The following WWP2 variants were observed in gnomAD, a reference collection of about 807,000 sequenced individuals.
WWP2 encodes NEDD4-like E3 ubiquitin-protein ligase WWP2.
Under a neutral mutation model 121.0 loss-of-function variants are expected in WWP2, and 57 were observed. The observed-to-expected ratio is 0.47, with a 90% confidence interval of 0.38 to 0.59. The LOEUF is 0.59. Ranked by LOEUF, WWP2 falls within the 20% of genes least tolerant of loss-of-function variation. The pLI is 0.00. For missense variants in WWP2, 962 were observed against 1,158.9 expected, an observed-to-expected ratio of 0.83 and a Z score of 2.47; for synonymous variants, 449 against 441.3, an observed-to-expected ratio of 1.02 and a Z score of -0.22.
At chr16:69,908,385 T>C (rs189745121) in intron 8 of WWP2, among the ~76,000 whole-genome samples, 5 of 152,308 alleles carry the variant, frequency 3.3e-5, no homozygotes, top group Admixed American at 1.3e-4. Flanking sequence ...CTAAGTGCAT[T>C]TTGAAGGGAA....
rs1367943448 is a variant in WWP2, at chr16:69,799,927, C to G, written c.340+632C>G. Among the ~76,000 whole-genome samples the G allele has an allele frequency of 2.0e-5, 3 of 152,030 alleles. No homozygotes were observed. The highest frequency in any genetic ancestry group is 7.3e-5 in the African/African-American group (3 of 41,366). ...GCCCATGGCGGTGGTATTGGACCCTCCTTCATAAGGCCTCTATTCAGAGCA... is the reference window on the plus strand; with the variant it reads ...GCCCATGGCGGTGGTATTGGACCCTGCTTCATAAGGCCTCTATTCAGAGCA... On this transcript the variant is annotated intron_variant, in intron 4 of 23. Transcript: ENST00000359154. This position sits in a 1 kb window ranked among gnomAD's most constrained non-coding sequence, Gnocchi z 4.5.
rs1470462940 is a variant in WWP2, at chr16:69,781,237, G to A, written c.-15-5759G>A. Among the ~76,000 whole-genome samples the A allele has an allele frequency of 2.6e-5, 4 of 151,950 alleles. No individual in the cohort carries two copies. In the East Asian group the frequency reaches 7.7e-4, roughly 29 times the overall value. On this transcript the variant is annotated intron_variant, in intron 1 of 23. Transcript: ENST00000359154. Reference sequence around the variant, plus strand: ...AATCACAGCATGATGAGGGTGGGGGGATACTGGGGAGCAGGAAGTGGGCCA... The same window carrying A: ...AATCACAGCATGATGAGGGTGGGGGAATACTGGGGAGCAGGAAGTGGGCCA...
At chr16:69,894,188 G>T (rs1218535971) in intron 8 of WWP2, among the ~76,000 whole-genome samples, 1 of 151,280 alleles carries the variant, frequency 6.6e-6, no homozygotes, top group African/African-American at 2.4e-5. Context: ...TAATACTCCT[G>T]CCTCGGCCTC....
chr16:69,796,916 G>A (rs2056059150), intron 2 of WWP2, among the ~76,000 whole-genome samples: 2 of 152,228 alleles, frequency 1.3e-5, no homozygotes, highest in Admixed American at 1.3e-4. Flanking sequence ...TTTGGCCTTT[G>A]CCAAGTTGTA....
intron 9 of WWP2, among the ~76,000 whole-genome samples, chr16:69,914,426 T>C (rs969127295): frequency 2.9e-4 from 18 of 62,348 alleles, no homozygotes; most frequent in African/African-American, 2.1e-3. Context: ...GCCATCCTTC[T>C]TCTCAGCTGT....
intron 4 of WWP2, among the ~76,000 whole-genome samples, chr16:69,804,460 C>G (rs1383814395): frequency 6.6e-6 from 1 of 152,092 alleles, no homozygotes; most frequent in African/African-American, 2.4e-5. Context: ...CATCTGTTTC[C>G]CCAATGACTT....
intron 8 of WWP2, among the ~76,000 whole-genome samples, chr16:69,899,055 G>T (rs78347773): frequency 6.6e-6 from 1 of 152,146 alleles, no homozygotes; most frequent in Non-Finnish European, 1.5e-5. Flanking sequence ...TCAATTATAC[G>T]CATTGCAAAT....
At chr16:69,857,479 G>C (rs2057338050) in intron 6 of WWP2, among the ~76,000 whole-genome samples, 1 of 152,104 alleles carries the variant, frequency 6.6e-6, no homozygotes, top group African/African-American at 2.4e-5. Flanking sequence ...CTGACTATTT[G>C]ATAATGGAGT....
intron 7 of WWP2, among the ~76,000 whole-genome samples, chr16:69,885,094 ACTC>A (rs1334631928): frequency 8.0e-6 from 1 of 125,732 alleles, no homozygotes; most frequent in African/African-American, 2.9e-5. Context: ...TCTTTTACAA[ACTC>A]CTCCTACACA....
chr16:69,766,006 A>T (rs745479631), intron 1 of WWP2, among the ~76,000 whole-genome samples: 4 of 152,138 alleles, frequency 2.6e-5, no homozygotes, highest in African/African-American at 9.7e-5. Context: ...AACAGCTTCC[A>T]TATGTGTGTC....
intron 4 of WWP2, among the ~76,000 whole-genome samples, chr16:69,825,922 C>A (rs1053939832): frequency 6.6e-6 from 1 of 152,050 alleles, no homozygotes; most frequent in African/African-American, 2.4e-5. Flanking sequence ...CCACACCCTG[C>A]CTGGAAAATA....
At chr16:69,873,316 C>A (rs1381104506) in intron 7 of WWP2, among the ~76,000 whole-genome samples, 2 of 152,216 alleles carry the variant, frequency 1.3e-5, no homozygotes, top group Admixed American at 6.5e-5. Flanking sequence ...TGCCTGGGTA[C>A]CCTGTCATCT....
intron 8 of WWP2, among the ~76,000 whole-genome samples, chr16:69,903,414 A>G (rs1285113244): frequency 6.6e-6 from 1 of 152,236 alleles, no homozygotes; most frequent in Admixed American, 6.5e-5. Context: ...TCTCAAATGA[A>G]CATAAAAGAT....
intron 6 of WWP2, among the ~76,000 whole-genome samples, chr16:69,862,708 CTTTTTTTTTTT>C (rs546868069): frequency 5.2e-5 from 4 of 76,528 alleles, no homozygotes; most frequent in East Asian, 7.9e-4. Flanking sequence ...GCCATGAATT[CTTTTTTTTTTT>C]TTTTTTTTTT....
intron 2 of WWP2, among the ~76,000 whole-genome samples, chr16:69,788,802 G>A (rs972769313): frequency 2.6e-5 from 4 of 152,050 alleles, no homozygotes; most frequent in Non-Finnish European, 5.9e-5. Flanking sequence ...AACTACCCCA[G>A]CCAGTAGAAC....
At chr16:69,795,259 T>TACACACACACAC (rs10578834) in intron 2 of WWP2, among the ~76,000 whole-genome samples, 2 of 92,964 alleles carry the variant, frequency 2.2e-5, no homozygotes, top group Admixed American at 1.0e-4. Flanking sequence ...AAAATGCGGA[T>TACACACACACAC]ACACACACAC....
intron 1 of WWP2, among the ~76,000 whole-genome samples, chr16:69,782,863 G>A (rs1389204186): frequency 6.6e-6 from 1 of 152,036 alleles, no homozygotes; most frequent in African/African-American, 2.4e-5. Flanking sequence ...TAGAGCCAAG[G>A]TCTCACTATG....
chr16:69,815,560 G>A (rs539509647), intron 4 of WWP2, among the ~76,000 whole-genome samples: 6 of 151,982 alleles, frequency 3.9e-5, no homozygotes, highest in African/African-American at 1.4e-4. Flanking sequence ...GGCTGAGGTG[G>A]GTGGATCACA....
Position 69,937,714 on chromosome 16 carries a change from C to T in WWP2, c.2343+62C>T. The stretch of plus-strand genomic sequence containing the variant: ...GGCCATCAACCAAAGGAAACGGGTC[C>T]TGAGGAGGCCTCACGCGCAAGGACC... On this transcript the variant is annotated intron_variant, in intron 21 of 23. Transcript: ENST00000359154. The surrounding 1 kb of genome is among the most constrained non-coding windows in gnomAD (Gnocchi z 6.6). 6.5e-7 allele frequency: 1 copy of T among 1,537,392 alleles called. No homozygotes were observed. Among genetic ancestry groups the T allele is most frequent in the Non-Finnish European group, 9.0e-7 (1 of 1,116,492 alleles).
Sources: gnomAD v4.1 joint callset for allele counts (sites outside exome capture counted in the v4.1 genomes callset) on GRCh38, gnomAD v4.1.1 for gene constraint, Gnocchi (gnomAD v3.1) non-coding constraint, MANE v1.5 for transcripts, NCBI Gene and HGNC (gene_info 2026-07-23, HGNC 2026-07-21) for gene names.